The following AMZ2 variants were observed in gnomAD, a reference collection of about 807,000 sequenced individuals.
AMZ2 encodes archaemetzincin-2.
In AMZ2, 26 loss-of-function variants were observed where a neutral mutation model predicts 36.7. The ratio of observed to expected loss-of-function variants is 0.71; its 90% CI spans 0.52 to 0.98. The LOEUF is 0.98. Among genes scored for constraint, AMZ2 ranks in the 50% least tolerant of loss-of-function variants. The pLI is 0.00. For synonymous variants in AMZ2, 144 were observed against 149.1 expected, an observed-to-expected ratio of 0.97 and a Z score of 0.25; for missense variants, 394 against 430.5, an observed-to-expected ratio of 0.92 and a Z score of 0.75.
chr17:68,209,633 T>TATATATATATATA (rs1555725395), intron 1 of AMZ2, among the ~76,000 whole-genome samples: 5 of 78,826 alleles, frequency 6.3e-5, no homozygotes, highest in African/African-American at 2.5e-4. Flanking sequence ...TATATATATA[T>TATATATATATATA]TTTTTTTTTT....
At chr17:68,239,127 C>T (rs1466607297) in intron 1 of AMZ2, among the ~76,000 whole-genome samples, 1 of 152,208 alleles carries the variant, frequency 6.6e-6, no homozygotes, top group African/African-American at 2.4e-5. Context: ...GGCAGGTTCT[C>T]TGCAGTGCAG....
chr17:68,220,232 A>T (rs2073311765), intron 1 of AMZ2, among the ~76,000 whole-genome samples: 1 of 152,216 alleles, frequency 6.6e-6, no homozygotes, highest in Non-Finnish European at 1.5e-5. Context: ...ATTTTCTACA[A>T]AGAGCATTGG....
At chr17:68,233,624 C>A (rs1217003303) in intron 1 of AMZ2, among the ~76,000 whole-genome samples, 36 of 152,002 alleles carry the variant, frequency 2.4e-4, no homozygotes, top group Admixed American at 1.6e-3. Context: ...AATACAAAGC[C>A]ATTGGGGTTT....
Position 68,218,042 on chromosome 17 carries a change from G to C in AMZ2, c.-67+11804G>C, listed in dbSNP as rs562663190. ...TTAGCCAGGATGGTCTCGATCTCCT[G>C]ACCTCGTGATCTGCCTGCCTCTGCC... On this transcript the variant is annotated intron_variant, in intron 1 of 7. Transcript: ENST00000674770. Among the ~76,000 whole-genome samples the C allele has an allele frequency of 1.1e-4, 17 of 152,232 alleles. No individual in the cohort carries two copies. In the East Asian group the frequency reaches 3.3e-3, roughly 29 times the overall value.
chr17:68,250,973 T>A lies in AMZ2; in HGVS notation c.457+6T>A, dbSNP rs1555739384. 6.2e-7 allele frequency: 1 copy of A among 1,611,924 alleles called. No individual in the cohort carries two copies. The highest frequency in any genetic ancestry group is 8.5e-7 in the Non-Finnish European group (1 of 1,179,486). ...CAACCTACAAATTCATGCAGGTGAA[T>A]TACACGACTTTGCAATTCGAACTGA... On this transcript the variant is annotated splice_donor_region_variant and intron_variant, in intron 3 of 6. Coordinates refer to ENST00000359904, the MANE Select transcript of AMZ2 (RefSeq NM_016627.5).
chr17:68,251,805 T>G (rs1480832384), intron 4 of AMZ2, among the ~76,000 whole-genome samples: 1 of 152,276 alleles, frequency 6.6e-6, no homozygotes, highest in Non-Finnish European at 1.5e-5. Flanking sequence ...TCTTGCTAAT[T>G]ATTTTTCAAT....
intron 1 of AMZ2, among the ~76,000 whole-genome samples, chr17:68,224,466 G>T (rs1310155797): frequency 1.3e-5 from 2 of 152,048 alleles, no homozygotes; most frequent in African/African-American, 2.4e-5. Context: ...CACCTATGCG[G>T]CAGTTTCAGT....
chr17:68,217,374 G>T (rs1243855498), intron 1 of AMZ2, among the ~76,000 whole-genome samples: 1 of 152,082 alleles, frequency 6.6e-6, no homozygotes, highest in African/African-American at 2.4e-5. Flanking sequence ...AGCTATAGTC[G>T]TCATTCAAAT....
intron 1 of AMZ2, among the ~76,000 whole-genome samples, chr17:68,216,299 G>A (rs1430908443): frequency 3.3e-5 from 5 of 151,922 alleles, no homozygotes; most frequent in Non-Finnish European, 7.4e-5. Context: ...ACGCCCAGCT[G>A]ATTTTTTTAT....
At chr17:68,253,945 A>G (rs1230798881) in intron 4 of AMZ2, among the ~76,000 whole-genome samples, 2 of 151,842 alleles carry the variant, frequency 1.3e-5, no homozygotes, top group African/African-American at 2.4e-5. Context: ...GGGTTTCACC[A>G]TGTTAGCCAG....
rs2073697113 is a variant in AMZ2, at chr17:68,232,802, C to T, written c.-66-15838C>T. Among the ~76,000 whole-genome samples the T allele has an allele frequency of 2.0e-5, 3 of 152,192 alleles. No homozygotes were observed. In the South Asian group the frequency reaches 6.2e-4, roughly 32 times the overall value. ...GAGGTTTCAGTGAGCTGAGATTGCA[C>T]CACTGCACTCCAGCCAGAGCAAGAC... is the stretch of plus-strand genomic sequence containing the variant. On this transcript the variant is annotated intron_variant, in intron 1 of 7. Transcript: ENST00000674770.
intron 1 of AMZ2, among the ~76,000 whole-genome samples, chr17:68,208,725 C>T (rs1185574097): frequency 2.6e-5 from 4 of 152,166 alleles, no homozygotes; most frequent in Non-Finnish European, 2.9e-5. Flanking sequence ...TAATACTCAC[C>T]GCGACGGTCT....
At chr17:68,228,408 A>G (rs1176009088) in intron 1 of AMZ2, among the ~76,000 whole-genome samples, 3 of 152,120 alleles carry the variant, frequency 2.0e-5, no homozygotes, top group Admixed American at 2.0e-4. Flanking sequence ...GCGAGACTGG[A>G]CCACAGCCCA....
At chr17:68,234,750 G>A (rs2073747100) in intron 1 of AMZ2, among the ~76,000 whole-genome samples, 1 of 150,748 alleles carries the variant, frequency 6.6e-6, no homozygotes, top group Admixed American at 6.6e-5. Flanking sequence ...ACAGAGTGAA[G>A]AGTGGGTGAC....
chr17:68,247,779 G>A (rs1555736297), upstream of AMZ2: 3 of 985,480 alleles, frequency 3.0e-6, no homozygotes, highest in Non-Finnish European at 3.6e-6. Flanking sequence ...CGAGAACCGG[G>A]CCGCGGAGCC....
intron 1 of AMZ2, among the ~76,000 whole-genome samples, chr17:68,241,694 T>G (rs1486246846): frequency 6.6e-6 from 1 of 151,762 alleles, no homozygotes; most frequent in Non-Finnish European, 1.5e-5. Flanking sequence ...TTGGAATATT[T>G]TCATACATAT....
At chr17:68,228,762 T>G (rs1487159366) in intron 1 of AMZ2, among the ~76,000 whole-genome samples, 12 of 152,266 alleles carry the variant, frequency 7.9e-5, no homozygotes, top group Non-Finnish European at 1.6e-4. Flanking sequence ...TCAATCAGCC[T>G]GGCCCATATG....
At chr17:68,255,545 G>T (rs1327527787) in intron 5 of AMZ2, among the ~76,000 whole-genome samples, 155 bp from the exon 6 acceptor site, 1 of 152,236 alleles carries the variant, frequency 6.6e-6, no homozygotes, top group Non-Finnish European at 1.5e-5. Context: ...GGAAATGAGG[G>T]ATTATTAAGT....
chr17:68,208,156 C>A (rs1244754713), intron 1 of AMZ2, among the ~76,000 whole-genome samples: 1 of 152,222 alleles, frequency 6.6e-6, no homozygotes, highest in African/African-American at 2.4e-5. Context: ...CCCTGCCCCA[C>A]GGCGCCCAGT....
Sources: gnomAD v4.1 joint callset for allele counts (sites outside exome capture counted in the v4.1 genomes callset) on GRCh38, gnomAD v4.1.1 for gene constraint, MANE v1.5 for transcripts, NCBI Gene and HGNC (gene_info 2026-07-23, HGNC 2026-07-21) for gene names.